Variants in PDZD2 observed in about 807,000 individuals in gnomAD.
PDZD2 encodes PDZ domain containing 2, also known as PDZ domain-containing protein 2.
Under a neutral mutation model 220.7 loss-of-function variants are expected in PDZD2, and 90 were observed. The ratio of observed to expected loss-of-function variants is 0.41; its 90% CI spans 0.34 to 0.49. The LOEUF (loss-of-function observed/expected upper bound fraction) is 0.49, where lower values mean the gene tolerates loss of function less well. Among genes scored for constraint, PDZD2 ranks in the 20% least tolerant of loss-of-function variants. The probability of loss-of-function intolerance (pLI) is 0.28; values close to 1 mark genes in which losing one functional copy is unlikely to be tolerated. For missense variants in PDZD2, 3,174 were observed against 3,608.5 expected (o/e 0.88, Z 3.08); for synonymous variants, 1,375 against 1,450.5 (o/e 0.95, Z 1.18).
chr5:32,028,431 T>C (rs16901744), intron 6 of PDZD2, among the ~76,000 whole-genome samples: 1,858 of 152,278 alleles, frequency 0.012, 36 homozygotes, highest in African/African-American at 0.041. Flanking sequence ...TCCAAAATTA[T>C]TTCTAGCCAC....
chr5:32,064,607 A>G (rs1309221956), intron 14 of PDZD2, among the ~76,000 whole-genome samples: 1 of 152,126 alleles, frequency 6.6e-6, no homozygotes, highest in Non-Finnish European at 1.5e-5. Context: ...TTTTTAAATT[A>G]GCTTACCTCT....
chr5:32,012,961 G>A (rs1753446348), intron 6 of PDZD2, among the ~76,000 whole-genome samples: 1 of 151,910 alleles, frequency 6.6e-6, no homozygotes, highest in African/African-American at 2.4e-5. Context: ...GTTTTACTAT[G>A]TAAATGTTTT....
At chr5:31,927,989 G>T (rs1351676880) in intron 2 of PDZD2, among the ~76,000 whole-genome samples, 1 of 152,086 alleles carries the variant, frequency 6.6e-6, no homozygotes, top group East Asian at 1.9e-4. Context: ...GGCCATTTCA[G>T]TATGCCTACC....
intron 2 of PDZD2, among the ~76,000 whole-genome samples, chr5:31,943,791 T>A (rs544071774): frequency 7.9e-5 from 12 of 152,324 alleles, no homozygotes; most frequent in African/African-American, 2.9e-4. Context: ...TCTTTAAACA[T>A]CTGTCTATCT....
intron 1 of PDZD2, among the ~76,000 whole-genome samples, chr5:31,764,894 C>T (rs1316356492): frequency 1.3e-5 from 2 of 152,046 alleles, no homozygotes; most frequent in South Asian, 2.1e-4. Context: ...CTGGCCAACA[C>T]GGAAAAACCC....
chr5:31,773,788 T>A (rs1022131033), intron 1 of PDZD2, among the ~76,000 whole-genome samples: 2 of 152,230 alleles, frequency 1.3e-5, no homozygotes, highest in Admixed American at 1.3e-4. Flanking sequence ...CTCCTGGCTG[T>A]GTGACTTTAG....
chr5:32,098,457 G>A lies in PDZD2; in HGVS notation c.8041G>A (p.Gly2681Ser), dbSNP rs138075794. The stretch of plus-strand genomic sequence containing the variant: ...GTCAGTCAACGGCGCCTCACTGGCT[G>A]GCTTAGCCCACGGGAATGTCCTGAA... ...LLSVNGASLA[G>S]LAHGNVLKVL... Residue 2681 changes from glycine to serine, a missense_variant, in exon 23 of 25, where the codon GGC becomes AGC. Physicochemically the swap from Gly to Ser is moderately conservative, Grantham distance 56 (BLOSUM62 0). This residue lies in a region of PDZD2 where 631 missense variants were observed against 789.9 expected (regional missense o/e 0.80). Coordinates refer to ENST00000438447, the MANE Select transcript of PDZD2 (RefSeq NM_178140.4). The surrounding 1 kb of genome is among the most constrained non-coding windows in gnomAD (Gnocchi z 4.1). 3.3e-4 allele frequency: 539 copies of A among 1,614,196 alleles called. 7 individuals carry two copies. The African/African-American group carries it at 5.8e-3, about 17-fold the overall frequency.
At chr5:31,951,701 G>A (rs1747197334) in intron 2 of PDZD2, among the ~76,000 whole-genome samples, 1 of 152,150 alleles carries the variant, frequency 6.6e-6, no homozygotes, top group African/African-American at 2.4e-5. Context: ...GTTACATCAG[G>A]TAGAAGTTCG....
At chr5:31,720,068 C>T (rs1038728341) in intron 1 of PDZD2, among the ~76,000 whole-genome samples, 4 of 152,226 alleles carry the variant, frequency 2.6e-5, no homozygotes, top group African/African-American at 9.6e-5. Context: ...GAGTACAAGA[C>T]ACTACTTTAA....
At chr5:31,709,227 G>A (rs1044409200) in intron 1 of PDZD2, among the ~76,000 whole-genome samples, 1 of 152,094 alleles carries the variant, frequency 6.6e-6, no homozygotes, top group African/African-American at 2.4e-5. Flanking sequence ...AAGGCCAGTT[G>A]CTGTGGCTTA....
chr5:31,949,096 T>TTGG (rs1746935866), intron 2 of PDZD2, among the ~76,000 whole-genome samples: 1 of 39,828 alleles, frequency 2.5e-5, no homozygotes. Flanking sequence ...AGACTCTGTC[T>TTGG]CAAAAAAAAA....
At chr5:32,105,144 AAT>A in intron 24 of PDZD2, among the ~76,000 whole-genome samples, 2 of 142,736 alleles carry the variant, frequency 1.4e-5, no homozygotes, top group African/African-American at 2.9e-5. Flanking sequence ...AAAAAAAAAC[AAT>A]CAATCAATCA....
At chr5:31,705,025 G>A (rs1273506011) in intron 1 of PDZD2, among the ~76,000 whole-genome samples, 1 of 152,172 alleles carries the variant, frequency 6.6e-6, no homozygotes, top group Non-Finnish European at 1.5e-5. Flanking sequence ...GCCAGGTGTG[G>A]TGGCATATGC....
rs114279131 is a variant in PDZD2 at position 31,920,678 on chromosome 5, G to A, written c.477-62477G>A. Among the ~76,000 whole-genome samples, 378 of 152,040 alleles carry A rather than the reference G, an allele frequency of 2.5e-3. 3 individuals carry two copies. The highest frequency in any genetic ancestry group is 8.8e-3 in the African/African-American group (366 of 41,446). On this transcript the variant is annotated intron_variant, in intron 2 of 24. Coordinates refer to ENST00000438447, the MANE Select transcript of PDZD2 (RefSeq NM_178140.4). ...TTTTTTTAAACGAACCAGGCGTGGT[G>A]GTGTGTATAATGACACACCAAATGT...
At chr5:31,775,782 C>A (rs572081223) in intron 1 of PDZD2, among the ~76,000 whole-genome samples, 3 of 151,242 alleles carry the variant, frequency 2.0e-5, no homozygotes, top group South Asian at 2.1e-4. Context: ...GTGCTGAGAG[C>A]CTAGTAGGTG....
intron 1 of PDZD2, among the ~76,000 whole-genome samples, chr5:31,697,716 G>C (rs939177567): frequency 6.6e-5 from 10 of 152,192 alleles, no homozygotes; most frequent in African/African-American, 2.4e-4. Flanking sequence ...CCCTCCAGCT[G>C]CTCCATGGTA....
chr5:32,023,850 A>AAT (rs2112152614), intron 6 of PDZD2, among the ~76,000 whole-genome samples: 2 of 152,336 alleles, frequency 1.3e-5, no homozygotes, highest in South Asian at 4.1e-4. Flanking sequence ...TCTATCAGAA[A>AAT]ATATAACTCC....
At chr5:31,696,163 A>G (rs451418) in intron 1 of PDZD2, among the ~76,000 whole-genome samples, 110,197 of 151,980 alleles carry the variant, frequency 0.73, 40,353 homozygotes, top group East Asian at 0.93. Context: ...ATCATACAGC[A>G]TGTGGATGGG....
At chr5:31,948,801 T>C (rs1345864794) in intron 2 of PDZD2, among the ~76,000 whole-genome samples, 1 of 152,048 alleles carries the variant, frequency 6.6e-6, no homozygotes, top group Non-Finnish European at 1.5e-5. Context: ...ACCACTTATA[T>C]ATATAAATTG....
Sources: gnomAD v4.1 joint callset for allele counts (sites outside exome capture counted in the v4.1 genomes callset) on GRCh38, gnomAD v4.1.1 for gene constraint, gnomAD v4.1.1 regional missense constraint, Gnocchi (gnomAD v3.1) non-coding constraint, MANE v1.5 for transcripts, NCBI Gene and HGNC (gene_info 2026-07-23, HGNC 2026-07-21) for gene names.